The following RGS21 variants were observed in gnomAD, a reference collection of about 807,000 sequenced individuals.
RGS21 encodes the protein regulator of G protein signaling 21.
A neutral mutation model predicts 18.7 loss-of-function variants in RGS21; 19 were observed. That is an observed-to-expected ratio of 1.01 (90% confidence interval 0.71 to 1.49). RGS21 has a LOEUF of 1.49. Among genes scored for constraint, RGS21 ranks in the 40% most tolerant of loss-of-function variants. RGS21 has a pLI of 0.00. For missense variants in RGS21, 194 were observed against 176.8 expected (o/e 1.10, Z -0.55); for synonymous variants, 56 against 57.8 (o/e 0.97, Z 0.14).
chr1:192,319,674 G>C (rs1328824020), intron 1 of RGS21, among the ~76,000 whole-genome samples: 1 of 151,976 alleles, frequency 6.6e-6, no homozygotes, highest in African/African-American at 2.4e-5. Context: ...GATTATTCAG[G>C]CTACTTTTCT....
intron 4 of RGS21, among the ~76,000 whole-genome samples, chr1:192,354,767 A>T (rs1400020085): frequency 6.6e-6 from 1 of 151,748 alleles, no homozygotes; most frequent in Admixed American, 6.6e-5. Context: ...CAACAAGGTC[A>T]TATTACTCAT....
intron 3 of RGS21, among the ~76,000 whole-genome samples, chr1:192,349,798 G>A (rs7518835): frequency 0.32 from 48,308 of 151,836 alleles, 8,934 homozygotes; most frequent in African/African-American, 0.5. Context: ...AAAGTGGAGA[G>A]CAAGGGAAAA....
At chr1:192,331,775 A>T (rs185398502) in intron 1 of RGS21, among the ~76,000 whole-genome samples, 1 of 152,036 alleles carries the variant, frequency 6.6e-6, no homozygotes, top group African/African-American at 2.4e-5. Flanking sequence ...ACTACTTTAA[A>T]TATTTTTTTA....
At chr1:192,336,948 G>A (rs941956124) in intron 1 of RGS21, among the ~76,000 whole-genome samples, 6 of 151,980 alleles carry the variant, frequency 3.9e-5, no homozygotes, top group South Asian at 2.1e-4. Flanking sequence ...TAAATAGGAT[G>A]GTAGAAGTTA....
At chr1:192,323,342 A>G (rs115167406) in intron 1 of RGS21, among the ~76,000 whole-genome samples, 161 of 152,290 alleles carry the variant, frequency 1.1e-3, no homozygotes, top group Middle Eastern at 6.8e-3. Flanking sequence ...ATCCTGTTGC[A>G]TTATGGAGTA....
intron 4 of RGS21, among the ~76,000 whole-genome samples, chr1:192,360,427 T>A (rs937680301): frequency 6.6e-6 from 1 of 152,102 alleles, no homozygotes; most frequent in Non-Finnish European, 1.5e-5. Context: ...CAATCACAAG[T>A]CCCATTCATT....
intron 1 of RGS21, among the ~76,000 whole-genome samples, chr1:192,337,846 T>C (rs2102227798): frequency 6.6e-6 from 1 of 152,306 alleles, no homozygotes; most frequent in African/African-American, 2.4e-5. Context: ...TTCATTGAGG[T>C]ATATGAATTC....
At chr1:192,353,331 A>G (rs2102234957) in intron 4 of RGS21, among the ~76,000 whole-genome samples, 1 of 152,036 alleles carries the variant, frequency 6.6e-6, no homozygotes, top group Admixed American at 6.6e-5. Context: ...CATGGCCTGG[A>G]ATTCATGGGG....
At chr1:192,333,567 A>T (rs956830017) in intron 1 of RGS21, among the ~76,000 whole-genome samples, 11 of 150,720 alleles carry the variant, frequency 7.3e-5, no homozygotes, top group African/African-American at 2.4e-4. Context: ...CTGATTGGAA[A>T]GAGCCCATCT....
chr1:192,364,857 G>A (rs1357592012), intron 4 of RGS21, among the ~76,000 whole-genome samples: 2 of 152,106 alleles, frequency 1.3e-5, no homozygotes, highest in African/African-American at 4.8e-5. Flanking sequence ...TTGAGGCCAG[G>A]TACGGTGGCT....
chr1:192,343,772 T>A (rs933421830), intron 2 of RGS21, among the ~76,000 whole-genome samples: 5 of 152,052 alleles, frequency 3.3e-5, no homozygotes, highest in Non-Finnish European at 7.4e-5. Context: ...CTTACTCTGA[T>A]TATGCATCAC....
chr1:192,334,852 C>A (rs1023371810), intron 1 of RGS21, among the ~76,000 whole-genome samples: 2 of 152,102 alleles, frequency 1.3e-5, no homozygotes, highest in African/African-American at 2.4e-5. Context: ...CTTCCCCCAA[C>A]AAGATTGGGT....
At chr1:192,320,508 G>GTGTATA (rs1557972478) in intron 1 of RGS21, among the ~76,000 whole-genome samples, 32 of 132,390 alleles carry the variant, frequency 2.4e-4, no homozygotes, top group African/African-American at 7.6e-4. Context: ...GAATGTGTAT[G>GTGTATA]TGTATGTGTA....
intron 1 of RGS21, among the ~76,000 whole-genome samples, chr1:192,324,086 C>T (rs908066204): frequency 4.6e-5 from 7 of 151,988 alleles, no homozygotes; most frequent in African/African-American, 1.7e-4. Flanking sequence ...AAATAATACA[C>T]ATGTAATCAT....
intron 4 of RGS21, among the ~76,000 whole-genome samples, chr1:192,362,635 T>C (rs1177739122): frequency 6.6e-6 from 1 of 152,180 alleles, no homozygotes; most frequent in Non-Finnish European, 1.5e-5. Context: ...GATCATCTCC[T>C]GAGAACAGTA....
At chr1:192,326,153 T>A (rs575481588) in intron 1 of RGS21, among the ~76,000 whole-genome samples, 2 of 152,236 alleles carry the variant, frequency 1.3e-5, no homozygotes, top group South Asian at 2.1e-4. Flanking sequence ...CTAGGTAGCC[T>A]TTGTGGCACT....
chr1:192,336,933 G>A (rs1408777188), intron 1 of RGS21, among the ~76,000 whole-genome samples: 1 of 152,126 alleles, frequency 6.6e-6, no homozygotes, highest in African/African-American at 2.4e-5. Context: ...ATTCAGAATA[G>A]TTTATAAATA....
intron 3 of RGS21, among the ~76,000 whole-genome samples, chr1:192,350,932 T>TA (rs1413852123): frequency 5.9e-5 from 9 of 152,220 alleles, no homozygotes; most frequent in African/African-American, 2.2e-4. Flanking sequence ...GATATAAGTG[T>TA]AAATTTGACT....
At chr1:192,348,949 TAGAAATAA>T (rs61523770) in intron 3 of RGS21, among the ~76,000 whole-genome samples, 77,568 of 152,022 alleles carry the variant, frequency 0.51, 20,886 homozygotes, top group African/African-American at 0.65. Flanking sequence ...ATGACTAATT[TAGAAATAA>T]TTAGAAATAA....
Sources: allele counts gnomAD v4.1 joint callset (sites outside exome capture counted in the v4.1 genomes callset), GRCh38; gene constraint gnomAD v4.1.1; transcripts MANE v1.5; gene names NCBI Gene and HGNC (gene_info 2026-07-23, HGNC 2026-07-21).